Variants in ARHGAP27 observed in about 807,000 individuals in gnomAD.
ARHGAP27 encodes the protein Rho GTPase activating protein 27, also known as rho GTPase-activating protein 27.
A neutral mutation model predicts 102.0 loss-of-function variants in ARHGAP27; 53 were observed. The ratio of observed to expected loss-of-function variants is 0.52; its 90% CI spans 0.42 to 0.65. ARHGAP27 has a LOEUF of 0.65. ARHGAP27 is among the 30% of genes least tolerant of loss of function. The probability of loss-of-function intolerance (pLI) is 0.00; values close to 1 mark genes in which losing one functional copy is unlikely to be tolerated. For synonymous variants in ARHGAP27, 525 were observed against 542.8 expected, an observed-to-expected ratio of 0.97 and a Z score of 0.46; for missense variants, 1,117 against 1,256.2, an observed-to-expected ratio of 0.89 and a Z score of 1.68.
chr17:45,425,599 G>A (rs547240417), intron 4 of ARHGAP27: 49 of 985,578 alleles, frequency 5.0e-5, no homozygotes, highest in East Asian at 1.1e-4. Flanking sequence ...TGAGGGCCCC[G>A]GGCTCCTTCC....
chr17:45,397,346 C>A, intron 13 of ARHGAP27: 1 of 1,214,542 alleles, frequency 8.2e-7, no homozygotes, highest in South Asian at 2.4e-5. Flanking sequence ...GGTCAGCATT[C>A]CTCAATACGT....
rs7222444 is a variant in ARHGAP27 at position 45,430,283 on chromosome 17, A to G, written c.-4T>C. ...CCCCCACCACGTCCGCCGCCATCGC[A>G]GCCGCGGCGTTTTCCTGCGGGCAAC... On this transcript the variant is annotated 5_prime_UTR_variant, in exon 4 of 20. Transcript: ENST00000685559. The surrounding 1 kb of genome is among the most constrained non-coding windows in gnomAD (Gnocchi z 4.4). 0.16 allele frequency: 248,326 copies of G among 1,565,262 alleles called. 22,294 individuals carry two copies. Among genetic ancestry groups the G allele is most frequent in the Middle Eastern group, 0.19 (1,165 of 5,978 alleles).
rs1340784754 is a variant in ARHGAP27, at chr17:45,393,997, T to G, written c.*1459A>C. 6.5e-6 allele frequency: 1 copy of G among 152,700 alleles called. No homozygotes were observed. The highest frequency in any genetic ancestry group is 1.5e-5 in the Non-Finnish European group (1 of 68,054). 9.5% of individuals were successfully genotyped at this position (152,700 alleles called of 1,614,324 possible). On this transcript the variant is annotated 3_prime_UTR_variant, in exon 20 of 20. Coordinates refer to ENST00000685559, the MANE Select transcript of ARHGAP27 (RefSeq NM_001282290.2). ...ACATATGGTATGAGGCCCCTGTGTG[T>G]ACTCTTGCCCTGGCCCTGTTGGCAA...
intron 4 of ARHGAP27, among the ~76,000 whole-genome samples, chr17:45,415,443 C>A (rs1298215185): frequency 6.6e-6 from 1 of 152,212 alleles, no homozygotes; most frequent in Non-Finnish European, 1.5e-5. Context: ...CCAGCCCCAC[C>A]GGCTGTAGAT....
Position 45,427,147 on chromosome 17 carries a change from AC to A in ARHGAP27, c.657+2475del, listed in dbSNP as rs1307138528. Among the ~76,000 whole-genome samples, 1 of 145,486 alleles carries A rather than the reference AC, an allele frequency of 6.9e-6. No homozygotes were observed. The highest frequency in any genetic ancestry group is 1.9e-4 in the East Asian group (1 of 5,156). Reference sequence around the variant, plus strand: ...CAGACCCTGCCCATCCATCTCCCAAACCTCTGTTTCCACACATGCCCACGAG... The same window carrying A: ...CAGACCCTGCCCATCCATCTCCCAAACTCTGTTTCCACACATGCCCACGAG... On this transcript the variant is annotated intron_variant, in intron 4 of 19. Coordinates refer to ENST00000685559, the MANE Select transcript of ARHGAP27 (RefSeq NM_001282290.2). This position sits in a 1 kb window ranked among gnomAD's most constrained non-coding sequence, Gnocchi z 4.5.
chr17:45,421,288 G>A (rs1047249699), intron 4 of ARHGAP27, among the ~76,000 whole-genome samples: 28 of 151,134 alleles, frequency 1.9e-4, no homozygotes, highest in African/African-American at 6.6e-4. Context: ...AGACCAGCCT[G>A]GGCAACAAGG....
intron 4 of ARHGAP27, chr17:45,410,223 A>G (rs2047745919): frequency 6.5e-7 from 1 of 1,533,578 alleles, no homozygotes; most frequent in Non-Finnish European, 8.7e-7. Flanking sequence ...TGACCCCAGC[A>G]TCCCCTACCT....
chr17:45,396,655 A>C lies in ARHGAP27; in HGVS notation c.2074+13T>G. 6.2e-7 allele frequency: 1 copy of C among 1,613,132 alleles called. No homozygotes were observed. Among genetic ancestry groups the C allele is most frequent in the Admixed American group, 1.7e-5 (1 of 59,994 alleles). ...CCGGTCCCGGGTCCCCGCCCCCCGC[A>C]GGCCTCGGGTACCTTTGATGTAGCC... On this transcript the variant is annotated intron_variant, in intron 15 of 19. Transcript: ENST00000685559.
At chr17:45,401,111 G>T (rs1191788396) in intron 12 of ARHGAP27, among the ~76,000 whole-genome samples, 2 of 152,200 alleles carry the variant, frequency 1.3e-5, no homozygotes, top group African/African-American at 4.8e-5. Context: ...GGAGGCCAAG[G>T]CTGGAGGATC....
At position 45,430,219 on chromosome 17, in the gene ARHGAP27, C is replaced by A; in HGVS notation, c.61G>T (p.Gly21Cys). 1.3e-6 allele frequency: 2 copies of A among 1,567,768 alleles called. No homozygotes were observed. The highest frequency in any genetic ancestry group is 8.6e-7 in the Non-Finnish European group (1 of 1,164,880). The change falls in exon 4 of 20, where the codon GGC becomes TGC. Residue 21 changes from glycine to cysteine, a missense_variant. Gly to Cys is a radical substitution (Grantham distance 159). Coordinates refer to ENST00000685559, the MANE Select transcript of ARHGAP27 (RefSeq NM_001282290.2). This position sits in a 1 kb window ranked among gnomAD's most constrained non-coding sequence, Gnocchi z 4.4. ...ATGGCCACGCGGCGCCCGTCCTTGC[C>A]GGTGTACTCGAAGGGGTGCTCCACC... ...VLVEHPFEYT[G>C]KDGRRVAIRP...
At chr17:45,425,129 C>T (rs993157106) in intron 4 of ARHGAP27, among the ~76,000 whole-genome samples, 1 of 151,888 alleles carries the variant, frequency 6.6e-6, no homozygotes, top group African/African-American at 2.4e-5. Context: ...AGAGGGGCTC[C>T]TGGGACAGCC....
At chr17:45,422,472 G>C (rs1021120528) in intron 4 of ARHGAP27, among the ~76,000 whole-genome samples, 1 of 151,886 alleles carries the variant, frequency 6.6e-6, no homozygotes, top group African/African-American at 2.4e-5. Flanking sequence ...TTCAAAAAAT[G>C]ATAATAGTAG....
rs1284272556 is a variant in ARHGAP27 at position 45,404,502 on chromosome 17, G to A, written c.1356C>T (p.Ile452=). Residue 452 remains isoleucine, a synonymous_variant, in exon 8 of 20, where the codon ATC becomes ATT. Coordinates refer to ENST00000685559, the MANE Select transcript of ARHGAP27 (RefSeq NM_001282290.2). The part of the protein sequence containing the change: ...PQVPVPAPRS[I]HKSSQDGDTP... The stretch of plus-strand genomic sequence containing the variant: ...TGTCACCATCCTGGCTGGATTTATG[G>A]ATGCTTCGAGGGGCAGGGACAGGGA... The A allele has an allele frequency of 1.9e-6, 3 of 1,613,542 alleles. No individual in the cohort carries two copies. The highest frequency in any genetic ancestry group is 2.7e-5 in the African/African-American group (2 of 74,988).
At position 45,404,438 on chromosome 17, in the gene ARHGAP27, C is replaced by A; in HGVS notation, c.1413+7G>T. The A allele has an allele frequency of 1.2e-6, 2 of 1,614,098 alleles. No individual in the cohort carries two copies. Among genetic ancestry groups the A allele is most frequent in the Non-Finnish European group, 1.7e-6 (2 of 1,179,976 alleles). ...TCCTGCCAGGACCTCAATGGCTCCT[C>A]CCCTACCTTCTCCTCTGGAGGGCTG... is the stretch of plus-strand genomic sequence containing the variant. On this transcript the variant is annotated splice_region_variant and intron_variant, in intron 8 of 19. Transcript: ENST00000685559.
In ARHGAP27 at chr17:45,396,728, G is replaced by C; in HGVS notation, c.2014C>G (p.Arg672Gly). Residue 672 changes from arginine to glycine, a missense_variant, in exon 15 of 20, where the codon CGC becomes GGC. By Grantham distance (125) the Arg-to-Gly change is moderately radical. Transcript: ENST00000685559. ...GTGGGCCGCCTCTGGAGGAACTTGC[G>C]GAGCTTGTGCCGGACCTTGCTCAAG... ...SDLSKVRHKL[R>G]KFLQRRPTLQ... 1 of 1,613,832 alleles carries C rather than the reference G, an allele frequency of 6.2e-7. No individual in the cohort carries two copies. The highest frequency in any genetic ancestry group is 8.5e-7 in the Non-Finnish European group (1 of 1,179,798).
At chr17:45,428,378 C>T (rs921202868) in intron 4 of ARHGAP27, among the ~76,000 whole-genome samples, 1 of 152,264 alleles carries the variant, frequency 6.6e-6, no homozygotes, top group East Asian at 1.9e-4. Flanking sequence ...GCTCACAACC[C>T]TAATCCTTAA....
At chr17:45,416,555 T>A (rs1290924568) in intron 4 of ARHGAP27, among the ~76,000 whole-genome samples, 1 of 151,112 alleles carries the variant, frequency 6.6e-6, no homozygotes, top group East Asian at 2.0e-4. Flanking sequence ...ATTCTTTTTT[T>A]AATTTTTTTT....
intron 4 of ARHGAP27, among the ~76,000 whole-genome samples, chr17:45,413,399 G>A (rs926389167): frequency 1.3e-5 from 2 of 152,092 alleles, no homozygotes; most frequent in Admixed American, 6.5e-5. Context: ...GAGTGGAGCC[G>A]GAGACCAGAG....
chr17:45,432,652 A>ACCCTT (rs2050139171), intron 1 of ARHGAP27, 100 bp downstream of exon 1: 1 of 147,024 alleles, frequency 6.8e-6, no homozygotes, highest in Admixed American at 6.7e-5. Context: ...CACCTGCCGC[A>ACCCTT]CCCTTCCCTT....
Sources: allele counts gnomAD v4.1 joint callset (sites outside exome capture counted in the v4.1 genomes callset), GRCh38; gene constraint gnomAD v4.1.1; non-coding constraint Gnocchi (gnomAD v3.1); transcripts MANE v1.5; gene names NCBI Gene and HGNC (gene_info 2026-07-23, HGNC 2026-07-21).